UHRF2: variants seen among roughly 807,000 people sequenced by gnomAD.
UHRF2 encodes ubiquitin like with PHD and ring finger domains 2, also known as E3 ubiquitin-protein ligase UHRF2.
A neutral mutation model predicts 96.8 loss-of-function variants in UHRF2; 23 were observed. The observed-to-expected ratio is 0.24, with a 90% confidence interval of 0.17 to 0.34. The LOEUF (loss-of-function observed/expected upper bound fraction) is 0.34. Among genes scored for constraint, UHRF2 ranks in the 10% least tolerant of loss-of-function variants. The pLI, the probability that UHRF2 is intolerant of heterozygous loss-of-function variation, is 1.00. For missense variants in UHRF2, 685 were observed against 981.5 expected (o/e 0.70, Z 4.04); for synonymous variants, 385 against 332.6 (o/e 1.16, Z -1.72).
At chr9:6,440,613 A>G (rs1365025016) in intron 3 of UHRF2, among the ~76,000 whole-genome samples, 1 of 152,192 alleles carries the variant, frequency 6.6e-6, no homozygotes, top group Non-Finnish European at 1.5e-5. Flanking sequence ...CACACACGCA[A>G]CTTCTATTGA....
chr9:6,430,932 A>G (rs1359986471), intron 2 of UHRF2, among the ~76,000 whole-genome samples: 1 of 152,236 alleles, frequency 6.6e-6, no homozygotes, highest in Non-Finnish European at 1.5e-5. Flanking sequence ...TCTCATGAGT[A>G]TAATTCAGAT....
intron 9 of UHRF2, among the ~76,000 whole-genome samples, chr9:6,491,858 A>G (rs1257900066): frequency 6.6e-6 from 1 of 152,220 alleles, no homozygotes; most frequent in Non-Finnish European, 1.5e-5. Context: ...TAGAAGATGC[A>G]ACAAATTTAG....
At chr9:6,423,535 A>G (rs1820056827) in intron 2 of UHRF2, among the ~76,000 whole-genome samples, 1 of 152,224 alleles carries the variant, frequency 6.6e-6, no homozygotes, top group African/African-American at 2.4e-5. Flanking sequence ...GTTCATTATT[A>G]TAAAATGTTT....
intron 9 of UHRF2, 103 bp downstream of exon 9, chr9:6,487,028 A>G: frequency 9.2e-7 from 1 of 1,090,398 alleles, no homozygotes; most frequent in East Asian, 2.6e-5. Flanking sequence ...TCTTTTTAGC[A>G]CAGTTTTTGT....
chr9:6,415,478 T>C (rs1819546283), intron 1 of UHRF2: 2 of 152,314 alleles, frequency 1.3e-5, no homozygotes, highest in South Asian at 2.1e-4. Flanking sequence ...ATGAGTGTTA[T>C]CTTTCGTGGT....
At chr9:6,488,024 T>C (rs2130931612) in intron 9 of UHRF2, among the ~76,000 whole-genome samples, 1 of 151,908 alleles carries the variant, frequency 6.6e-6, no homozygotes, top group African/African-American at 2.4e-5. Flanking sequence ...GTGAATCTCT[T>C]GAGCTCAGGA....
intron 2 of UHRF2, among the ~76,000 whole-genome samples, chr9:6,428,320 C>G (rs1368589438): frequency 6.6e-6 from 1 of 152,148 alleles, no homozygotes; most frequent in Non-Finnish European, 1.5e-5. Flanking sequence ...CTCCCAGGAA[C>G]TTACCAGGTG....
At chr9:6,492,239 CTTA>C in intron 9 of UHRF2, 1 of 672,344 alleles carries the variant, frequency 1.5e-6, no homozygotes, top group Non-Finnish European at 2.2e-6. Context: ...TTACATTTGT[CTTA>C]TTATGCTCTC....
intron 3 of UHRF2, among the ~76,000 whole-genome samples, chr9:6,441,614 G>A (rs1241775906): frequency 6.6e-6 from 1 of 151,996 alleles, no homozygotes; most frequent in Non-Finnish European, 1.5e-5. Context: ...GCAGTATAGG[G>A]GAAAGGAGTT....
Position 6,493,812 on chromosome 9 carries a change from A to G in UHRF2, c.1498-14A>G. 1 of 1,601,900 alleles carries G rather than the reference A, an allele frequency of 6.2e-7. No homozygotes were observed. The highest frequency in any genetic ancestry group is 8.5e-7 in the Non-Finnish European group (1 of 1,175,158). On this transcript the variant is annotated splice_polypyrimidine_tract_variant and intron_variant, in intron 9 of 15. Transcript: ENST00000276893. ...GGGTTTAGCTTTCTTAATAAAGAAA[A>G]TCTTCTCTGACAGGACCGAGGTGAT...
At position 6,448,558 on chromosome 9, in the gene UHRF2, C is replaced by T. The variant is rs188074018; in HGVS notation, c.645-12015C>T. ...GGGGATAGAATAATGCCAGACTGTCCTAAGGGTTGTTATAAGTATATGTGA... is the reference window on the plus strand; with the variant it reads ...GGGGATAGAATAATGCCAGACTGTCTTAAGGGTTGTTATAAGTATATGTGA... On this transcript the variant is annotated intron_variant, in intron 3 of 15. Transcript: ENST00000276893. Among the ~76,000 whole-genome samples, 273 of 152,240 alleles carry T rather than the reference C, an allele frequency of 1.8e-3. 1 individual carries two copies. The highest frequency in any genetic ancestry group is 6.4e-3 in the African/African-American group (265 of 41,548).
intron 8 of UHRF2, among the ~76,000 whole-genome samples, chr9:6,484,353 G>A (rs1269033082): frequency 6.6e-6 from 1 of 151,818 alleles, no homozygotes; most frequent in African/African-American, 2.4e-5. Flanking sequence ...TGGGATTATA[G>A]GCTTAGTGGC....
chr9:6,477,551 TTTTC>T, intron 5 of UHRF2, 67 bp from the exon 6 acceptor site: 1 of 1,420,850 alleles, frequency 7.0e-7, no homozygotes, highest in Non-Finnish European at 9.5e-7. Context: ...TTCCATGGGC[TTTTC>T]TTTATGAGAT....
At chr9:6,468,851 CTG>C in intron 4 of UHRF2, 1 of 365,352 alleles carries the variant, frequency 2.7e-6, no homozygotes, top group South Asian at 2.1e-5. Flanking sequence ...TACTTAAAGA[CTG>C]TAAACCAGCC....
intron 9 of UHRF2, among the ~76,000 whole-genome samples, chr9:6,493,454 T>C (rs184242229): frequency 1.3e-5 from 2 of 152,318 alleles, no homozygotes; most frequent in Admixed American, 6.5e-5. Context: ...AGTGGTATTA[T>C]CTATAAAGAA....
intron 9 of UHRF2, among the ~76,000 whole-genome samples, chr9:6,487,822 C>G (rs1009117915): frequency 1.3e-5 from 2 of 152,138 alleles, no homozygotes; most frequent in African/African-American, 4.8e-5. Flanking sequence ...TTTTTTTGGT[C>G]ATTCTTCTTT....
At chr9:6,482,978 G>A (rs1046100086) in intron 8 of UHRF2, among the ~76,000 whole-genome samples, 25 of 152,032 alleles carry the variant, frequency 1.6e-4, no homozygotes, top group Admixed American at 4.6e-4. Flanking sequence ...GGTATCTGTC[G>A]GGGATTGGTT....
intron 14 of UHRF2, among the ~76,000 whole-genome samples, chr9:6,503,276 G>T (rs946167003): frequency 6.6e-6 from 1 of 152,064 alleles, no homozygotes; most frequent in East Asian, 1.9e-4. Context: ...GATTACATGT[G>T]TGAACCACCA....
intron 3 of UHRF2, among the ~76,000 whole-genome samples, chr9:6,453,107 T>C (rs1239275450): frequency 1.3e-5 from 2 of 152,226 alleles, no homozygotes; most frequent in Non-Finnish European, 1.5e-5. Flanking sequence ...TGAGTACAGA[T>C]AGAATATATA....
Sources: allele counts gnomAD v4.1 joint callset (sites outside exome capture counted in the v4.1 genomes callset), GRCh38; gene constraint gnomAD v4.1.1; transcripts MANE v1.5; gene names NCBI Gene and HGNC (gene_info 2026-07-23, HGNC 2026-07-21).